Variants in STAMBPL1 observed in about 807,000 individuals in gnomAD.
STAMBPL1 encodes AMSH-like protease.
In STAMBPL1, 44 loss-of-function variants were observed where a neutral mutation model predicts 52.9. The ratio of observed to expected loss-of-function variants is 0.83; its 90% CI spans 0.65 to 1.07. The LOEUF is 1.07. Ranked by LOEUF, STAMBPL1 falls within the 50% of genes least tolerant of loss-of-function variation. STAMBPL1 has a pLI of 0.00. For missense variants in STAMBPL1, 511 were observed against 520.8 expected, an observed-to-expected ratio of 0.98 and a Z score of 0.18; for synonymous variants, 164 against 177.3, an observed-to-expected ratio of 0.92 and a Z score of 0.60.
chr10:88,908,749 C>T lies in STAMBPL1; in HGVS notation c.296C>T (p.Ala99Val). The T allele has an allele frequency of 6.2e-7, 1 of 1,608,712 alleles. No homozygotes were observed. Among genetic ancestry groups the T allele is most frequent in the Non-Finnish European group, 8.5e-7 (1 of 1,178,084 alleles). Residue 99 changes from alanine to valine, a missense_variant, in exon 4 of 11, where the codon GCA becomes GTA. By Grantham distance (64) the Ala-to-Val change is moderately conservative. Transcript: ENST00000371926. ...AACCATCGAGATTACCAGCAATGTG[C>T]AGTACCTGAAAAGCAGGATATTATG... ...LPNHRDYQQC[A>V]VPEKQDIMKK...
chr10:88,898,380 G>A (rs745370451), intron 1 of STAMBPL1, among the ~76,000 whole-genome samples: 4 of 152,148 alleles, frequency 2.6e-5, no homozygotes, highest in East Asian at 3.8e-4. Context: ...TGACAGGATC[G>A]TGGGGAACCT....
At chr10:88,896,507 A>G (rs1280112911) in intron 1 of STAMBPL1, among the ~76,000 whole-genome samples, 1 of 152,202 alleles carries the variant, frequency 6.6e-6, no homozygotes, top group Non-Finnish European at 1.5e-5. Context: ...AAATTGCACC[A>G]TGTTCTTCCT....
intron 2 of STAMBPL1, among the ~76,000 whole-genome samples, chr10:88,904,486 TATAA>T (rs1453145904): frequency 6.6e-6 from 1 of 152,202 alleles, no homozygotes; most frequent in Non-Finnish European, 1.5e-5. Context: ...CACTTGCTTT[TATAA>T]ATAAACATTT....
At chr10:88,912,172 C>T (rs1410044087) in intron 5 of STAMBPL1, among the ~76,000 whole-genome samples, 1 of 152,138 alleles carries the variant, frequency 6.6e-6, no homozygotes, top group Non-Finnish European at 1.5e-5. Context: ...TTGTTAGACA[C>T]GCAGAATCTC....
In STAMBPL1 at chr10:88,887,225, A is replaced by G. The variant is rs1033904352; in HGVS notation, c.-54+6587A>G. On this transcript the variant is annotated intron_variant, in intron 1 of 10. Transcript: ENST00000371926. ...AAACTGCTTACTTAATCTATAAAGTACTTAAGCTAAATAAATAAATTGATA... is the reference window on the plus strand; with the variant it reads ...AAACTGCTTACTTAATCTATAAAGTGCTTAAGCTAAATAAATAAATTGATA... Among the ~76,000 whole-genome samples, 66 of 152,352 alleles carry G rather than the reference A, an allele frequency of 4.3e-4. 1 individual carries two copies. The highest frequency in any genetic ancestry group is 1.5e-3 in the African/African-American group (63 of 41,570).
chr10:88,886,927 A>G (rs1844549250), intron 1 of STAMBPL1, among the ~76,000 whole-genome samples: 1 of 152,184 alleles, frequency 6.6e-6, no homozygotes, highest in African/African-American at 2.4e-5. Flanking sequence ...CTGTGATTCT[A>G]TTTATCCTGT....
intron 1 of STAMBPL1, among the ~76,000 whole-genome samples, chr10:88,893,605 G>A (rs552592442): frequency 6.6e-6 from 1 of 152,252 alleles, no homozygotes; most frequent in Non-Finnish European, 1.5e-5. Context: ...GCCAGGCATG[G>A]TAGTGCATGC....
rs574863276 is a variant in STAMBPL1, at chr10:88,922,278, C to T, written c.1155-59C>T. ...GTATGTGTGTGCTGTTCAAATAAAG[C>T]ATCTGGAATGCCCAAATGATCCTTA... On this transcript the variant is annotated intron_variant, in intron 9 of 10. Transcript: ENST00000371926. 27 of 1,490,152 alleles carry T rather than the reference C, an allele frequency of 1.8e-5. No individual in the cohort carries two copies. In the African/African-American group the frequency reaches 3.3e-4, roughly 18 times the overall value. The allele number at this position is 1,490,152 out of a possible 1,614,324, so 92.3% of individuals were successfully genotyped here.
intron 1 of STAMBPL1, chr10:88,882,024 C>T (rs1844418033): frequency 6.6e-6 from 1 of 152,222 alleles, no homozygotes; most frequent in Non-Finnish European, 1.5e-5. Context: ...GACACAGATA[C>T]AGCAAATTGC....
intron 3 of STAMBPL1, 76 bp downstream of exon 3, chr10:88,905,736 G>A: frequency 8.4e-7 from 1 of 1,191,990 alleles, no homozygotes; most frequent in Non-Finnish European, 1.2e-6. Flanking sequence ...GGCAGTTTGG[G>A]TATCAGTAAT....
chr10:88,922,444 C>T lies in STAMBPL1; in HGVS notation c.1254+8C>T, dbSNP rs1845537897. ...GAGCCCAGGCTGTTCAGTGTGAGTA[C>T]ATCATATTAGTTATTTTTCCAGGTA... is the stretch of plus-strand genomic sequence containing the variant. On this transcript the variant is annotated splice_region_variant and intron_variant, in intron 10 of 10. Coordinates refer to ENST00000371926, the MANE Select transcript of STAMBPL1 (RefSeq NM_020799.4). The T allele has an allele frequency of 1.9e-6, 3 of 1,609,452 alleles. No homozygotes were observed. The highest frequency in any genetic ancestry group is 1.3e-5 in the African/African-American group (1 of 74,834).
chr10:88,913,494 C>A, intron 6 of STAMBPL1, 36 bp downstream of exon 6: 1 of 1,544,592 alleles, frequency 6.5e-7, no homozygotes. Context: ...AGACACTGAG[C>A]CTCATCGGAT....
At chr10:88,916,559 C>G in intron 7 of STAMBPL1, 121 bp from the exon 8 acceptor site, 1 of 826,186 alleles carries the variant, frequency 1.2e-6, no homozygotes, top group Non-Finnish European at 1.7e-6. Context: ...GTAAGTGGTC[C>G]CTGTACCTGG....
chr10:88,915,092 G>A (rs1296104647), intron 7 of STAMBPL1, among the ~76,000 whole-genome samples: 1 of 152,084 alleles, frequency 6.6e-6, no homozygotes, highest in Non-Finnish European at 1.5e-5. Context: ...CTAGGATTTT[G>A]TAGTTTCCTT....
At chr10:88,890,956 A>C (rs1844665892) in intron 1 of STAMBPL1, among the ~76,000 whole-genome samples, 1 of 152,202 alleles carries the variant, frequency 6.6e-6, no homozygotes, top group African/African-American at 2.4e-5. Context: ...ATGTGTGTTT[A>C]ATAAATATGT....
At chr10:88,889,983 T>C (rs1844637457) in intron 1 of STAMBPL1, among the ~76,000 whole-genome samples, 1 of 152,226 alleles carries the variant, frequency 6.6e-6, no homozygotes, top group Non-Finnish European at 1.5e-5. Context: ...TGATTTGGGT[T>C]TATTTGATGT....
intron 8 of STAMBPL1, among the ~76,000 whole-genome samples, chr10:88,917,036 G>A (rs1404442296): frequency 6.6e-6 from 1 of 152,200 alleles, no homozygotes; most frequent in Admixed American, 6.5e-5. Context: ...TTCAGTGTTA[G>A]ACTGTGCCTA....
intron 8 of STAMBPL1, among the ~76,000 whole-genome samples, chr10:88,921,001 A>G (rs559792145): frequency 6.6e-6 from 1 of 152,296 alleles, no homozygotes; most frequent in South Asian, 2.1e-4. Context: ...ATTATATGAG[A>G]ATCTATTTAA....
At position 88,916,509 on chromosome 10, in the gene STAMBPL1, A is replaced by G. The variant is rs1264125893; in HGVS notation, c.904-171A>G. On this transcript the variant is annotated intron_variant, in intron 7 of 10. Coordinates refer to ENST00000371926, the MANE Select transcript of STAMBPL1 (RefSeq NM_020799.4). Reference sequence around the variant, plus strand: ...TTTACTGTTGGGACTTTGTTTTTGAATTGGAAAGGGTGGTGTGTCCAGGTA... The same window carrying G: ...TTTACTGTTGGGACTTTGTTTTTGAGTTGGAAAGGGTGGTGTGTCCAGGTA... 2.8e-5 allele frequency among the ~76,000 whole-genome samples: 4 copies of G among 141,314 alleles called. No homozygotes were observed. The East Asian group carries it at 7.7e-4, about 27-fold the overall frequency. The allele number at this position is 141,314 out of a possible 152,430, so 92.7% of individuals were successfully genotyped here. A position where few individuals can be genotyped will look rare whatever the true frequency, so the allele number is the denominator to read the frequency against.
Sources: allele counts gnomAD v4.1 joint callset (sites outside exome capture counted in the v4.1 genomes callset), GRCh38; gene constraint gnomAD v4.1.1; transcripts MANE v1.5; gene names NCBI Gene and HGNC (gene_info 2026-07-23, HGNC 2026-07-21).